DNAJB8: variants seen among roughly 807,000 people sequenced by gnomAD.
The protein encoded by DNAJB8 is dnaJ homolog subfamily B member 8.
For synonymous variants in DNAJB8, 127 were observed against 127.1 expected, an observed-to-expected ratio of 1.00 and a Z score of 0.00; for missense variants, 354 against 318.9, an observed-to-expected ratio of 1.11 and a Z score of -0.84.
Position 128,463,286 on chromosome 3 carries a change from A to T in DNAJB8, c.-41T>A. On this transcript the variant is annotated 5_prime_UTR_variant, in exon 3 of 3. Transcript: ENST00000319153. ...TGAGAGGAGAGGGAACGTGGAGGCC[A>T]GGTGGGCGCAGGGGCCCAGCTGGTC... is the stretch of plus-strand genomic sequence containing the variant. 6.4e-7 allele frequency: 1 copy of T among 1,555,690 alleles called. No homozygotes were observed. Among genetic ancestry groups the T allele is most frequent in the Non-Finnish European group, 8.7e-7 (1 of 1,144,570 alleles).
chr3:128,466,740 C>T lies in DNAJB8; in HGVS notation c.-1153G>A, dbSNP rs2068516626. The stretch of plus-strand genomic sequence containing the variant: ...GGAGAGTGGAAAAGAGAGGCCGTTG[C>T]AGGCAGGTGACAATGGTGAGCTTTG... On this transcript the variant is annotated 5_prime_UTR_variant, in exon 1 of 3. Transcript: ENST00000319153. 1 of 152,196 alleles carries T rather than the reference C, an allele frequency of 6.6e-6. No individual in the cohort carries two copies. Among genetic ancestry groups the T allele is most frequent in the Non-Finnish European group, 1.5e-5 (1 of 68,030 alleles). 9.4% of individuals were successfully genotyped at this position (152,196 alleles called of 1,614,324 possible).
Position 128,463,134 on chromosome 3 carries a change from T to G in DNAJB8, c.112A>C (p.Asn38His). Residue 38 changes from asparagine to histidine, a missense_variant, in exon 3 of 3, where the codon AAT (asparagine) becomes CAT (histidine). Asn to His is a moderately conservative substitution (Grantham distance 68). Transcript: ENST00000319153. The stretch of plus-strand genomic sequence containing the variant: ...AACTTCTTCTCCGCCTCCTCCTTAT[T>G]GTCAGGGTTCTTGTCGGGGTGCCAA... The part of the protein sequence containing the change: ...LRWHPDKNPD[N>H]KEEAEKKFKL... The G allele has an allele frequency of 6.2e-7, 1 of 1,614,136 alleles. No individual in the cohort carries two copies.
chr3:128,463,509 C>T lies in DNAJB8; in HGVS notation c.-264G>A. On this transcript the variant is annotated 5_prime_UTR_variant, in exon 3 of 3. Transcript: ENST00000319153. The stretch of plus-strand genomic sequence containing the variant: ...CGCTGTGGGGCCAGGCCAGAGTGGG[C>T]TGCCCTCCAGAGCTCCTTTTATGAC... The T allele has an allele frequency of 5.3e-6, 2 of 377,668 alleles. No individual in the cohort carries two copies. The highest frequency in any genetic ancestry group is 4.6e-5 in the East Asian group (1 of 21,716). The allele number at this position is 377,668 out of a possible 1,614,324, so 23.4% of individuals were successfully genotyped here.
chr3:128,464,113 G>A lies in DNAJB8; in HGVS notation c.-865-3C>T, dbSNP rs1048314508. 10 of 157,970 alleles carry A rather than the reference G, an allele frequency of 6.3e-5. No individual in the cohort carries two copies. Among genetic ancestry groups the A allele is most frequent in the African/African-American group, 1.9e-4 (8 of 41,432 alleles). 9.8% of individuals were successfully genotyped at this position (157,970 alleles called of 1,614,324 possible). ...CCAAAGAAGTGTTCCACTCAATTCT[G>A]GTAAGAAAAATAGGAATTGATGATA... On this transcript the variant is annotated splice_polypyrimidine_tract_variant and splice_region_variant and intron_variant, in intron 2 of 2. Transcript: ENST00000319153.
chr3:128,464,228 T>G (rs1479615065), intron 2 of DNAJB8, 118 bp from the exon 3 acceptor site: 1 of 151,980 alleles, frequency 6.6e-6, no homozygotes, highest in Non-Finnish European at 1.5e-5. Flanking sequence ...AATGTGAGCT[T>G]ATTTGGAAAA....
intron 1 of DNAJB8, 75 bp downstream of exon 1, chr3:128,466,539 G>C (rs2068514944): frequency 6.6e-6 from 1 of 152,632 alleles, no homozygotes; most frequent in African/African-American, 2.4e-5. Flanking sequence ...GCTGGTGTGA[G>C]TGCCGATGGC....
At position 128,463,211 on chromosome 3, in the gene DNAJB8, G is replaced by A; in HGVS notation, c.35C>T (p.Ala12Val). ...CTTGATGTCCTCCGGGGAAGCGCTG[G>A]CCTGCACGCCCAGCACTTCGTAGTA... ...ANYYEVLGVQ[A>V]SASPEDIKKA... is the part of the protein sequence containing the mutation. The change falls in exon 3 of 3, where the codon GCC (alanine) becomes GTC (valine). Residue 12 changes from alanine (A) to valine (V), a missense_variant. Coordinates refer to ENST00000319153, the MANE Select transcript of DNAJB8 (RefSeq NM_153330.6). The A allele has an allele frequency of 5.6e-6, 9 of 1,614,010 alleles. No homozygotes were observed. The highest frequency in any genetic ancestry group is 7.6e-6 in the Non-Finnish European group (9 of 1,179,934).
chr3:128,464,779 C>T (rs1040158008), intron 2 of DNAJB8, among the ~76,000 whole-genome samples: 39 of 111,390 alleles, frequency 3.5e-4, no homozygotes, highest in South Asian at 1.8e-3. Flanking sequence ...CTCCCTTCCT[C>T]CCTCCCTCCT....
At chr3:128,464,777 C>CT in intron 2 of DNAJB8, among the ~76,000 whole-genome samples, 5 of 149,680 alleles carry the variant, frequency 3.3e-5, no homozygotes, top group African/African-American at 9.8e-5. Flanking sequence ...TCCTCCCTTC[C>CT]TCCCTCCCTC....
rs1244666542 is a variant in DNAJB8 at position 128,463,368 on chromosome 3, G to A, written c.-123C>T. Reference sequence around the variant, plus strand: ...GGGGCCCTTCAGCAGGGGCCTGGCTGGACTCCGCAAGCTCTAGGCAAGATT... The same window carrying A: ...GGGGCCCTTCAGCAGGGGCCTGGCTAGACTCCGCAAGCTCTAGGCAAGATT... On this transcript the variant is annotated 5_prime_UTR_variant, in exon 3 of 3. Transcript: ENST00000319153. 2.5e-6 allele frequency: 2 copies of A among 809,638 alleles called. No individual in the cohort carries two copies. Among genetic ancestry groups the A allele is most frequent in the Admixed American group, 5.5e-5 (2 of 36,594 alleles). The allele number at this position is 809,638 out of a possible 1,614,324, so 50.2% of individuals were successfully genotyped here. A position where few individuals can be genotyped will look rare whatever the true frequency, so the allele number is the denominator to read the frequency against.
intron 1 of DNAJB8, chr3:128,466,298 A>G (rs1281162712): frequency 6.6e-6 from 1 of 152,316 alleles, no homozygotes; most frequent in Non-Finnish European, 1.5e-5. Flanking sequence ...AGAGGGAGTG[A>G]GCAGTTCTCC....
At position 128,463,354 on chromosome 3, in the gene DNAJB8, G is replaced by A. The variant is rs796146589; in HGVS notation, c.-109C>T. On this transcript the variant is annotated 5_prime_UTR_variant, in exon 3 of 3. Coordinates refer to ENST00000319153, the MANE Select transcript of DNAJB8 (RefSeq NM_153330.6). ...GTGGCCGGTGGTCTGGGGCCCTTCA[G>A]CAGGGGCCTGGCTGGACTCCGCAAG... 10 of 974,836 alleles carry A rather than the reference G, an allele frequency of 1.0e-5. No homozygotes were observed. The African/African-American group carries it at 1.5e-4, about 14-fold the overall frequency. The allele number at this position is 974,836 out of a possible 1,614,324, so 60.4% of individuals were successfully genotyped here.
At chr3:128,465,216 G>A (rs888627059) in intron 2 of DNAJB8, 60 bp downstream of exon 2, 1 of 152,346 alleles carries the variant, frequency 6.6e-6, no homozygotes, top group African/African-American at 2.4e-5. Flanking sequence ...GACCATCGCT[G>A]TCCCTCCATG....
intron 2 of DNAJB8, among the ~76,000 whole-genome samples, chr3:128,464,355 C>A (rs1322933182): frequency 6.6e-6 from 1 of 152,230 alleles, no homozygotes. Context: ...ACTGACGCAG[C>A]TGGAAGCTGG....
In DNAJB8 at chr3:128,462,586, C is replaced by G; in HGVS notation, c.660G>C (p.Val220=). The change falls in exon 3 of 3, where the codon GTG becomes GTC. Residue 220 remains valine (V), a synonymous_variant. Transcript: ENST00000319153. ...EEDGQLKSVT[V]NGKEQLKWMD... ...TCCATTTGAGCTGCTCCTTGCCGTTCACAGTCACCGACTTGAGCTGCCCGT... is the reference window on the plus strand; with the variant it reads ...TCCATTTGAGCTGCTCCTTGCCGTTGACAGTCACCGACTTGAGCTGCCCGT... 6.2e-7 allele frequency: 1 copy of G among 1,612,706 alleles called. No homozygotes were observed. Among genetic ancestry groups the G allele is most frequent in the Non-Finnish European group, 8.5e-7 (1 of 1,178,942 alleles).
At position 128,462,933 on chromosome 3, in the gene DNAJB8, C is replaced by T. The variant is rs201620402; in HGVS notation, c.313G>A (p.Gly105Ser). The T allele has an allele frequency of 9.9e-6, 16 of 1,613,924 alleles. No individual in the cohort carries two copies. The highest frequency in any genetic ancestry group is 1.6e-4 in the Middle Eastern group (1 of 6,084). The part of the protein sequence containing the change: ...NPEDIFREFF[G>S]GLDPFSFEFW... Reference sequence around the variant, plus strand: ...TCAAAGGAGAAAGGGTCCAGGCCACCAAAAAACTCCCGGAAGATGTCCTCA... The same window carrying T: ...TCAAAGGAGAAAGGGTCCAGGCCACTAAAAAACTCCCGGAAGATGTCCTCA... Residue 105 changes from glycine (G) to serine (S), a missense_variant, in exon 3 of 3, where the codon GGT (glycine) becomes AGT (serine). By Grantham distance (56) the Gly-to-Ser change is moderately conservative. Coordinates refer to ENST00000319153, the MANE Select transcript of DNAJB8 (RefSeq NM_153330.6).
At chr3:128,464,419 C>T (rs2068496126) in intron 2 of DNAJB8, among the ~76,000 whole-genome samples, 1 of 152,194 alleles carries the variant, frequency 6.6e-6, no homozygotes, top group African/African-American at 2.4e-5. Context: ...CCCACTAACA[C>T]CTCGATTTCA....
Position 128,463,370 on chromosome 3 carries a change from A to ACT in DNAJB8, c.-127_-126dup. ...GGCCCTTCAGCAGGGGCCTGGCTGG[A>ACT]CTCCGCAAGCTCTAGGCAAGATTCT... On this transcript the variant is annotated 5_prime_UTR_variant, in exon 3 of 3. Transcript: ENST00000319153. 1 of 792,840 alleles carries ACT rather than the reference A, an allele frequency of 1.3e-6. No individual in the cohort carries two copies. Among genetic ancestry groups the ACT allele is most frequent in the South Asian group, 1.8e-5 (1 of 55,370 alleles). The allele number at this position is 792,840 out of a possible 1,614,324, so 49.1% of individuals were successfully genotyped here.
rs757298895 is a variant in DNAJB8 at position 128,462,735 on chromosome 3, C to A, written c.511G>T (p.Gly171Cys). The change falls in exon 3 of 3, where the codon GGC becomes TGC. Residue 171 changes from glycine (G) to cysteine (C), a missense_variant. Coordinates refer to ENST00000319153, the MANE Select transcript of DNAJB8 (RefSeq NM_153330.6). The part of the protein sequence containing the change: ...HTTFSSTSFG[G>C]SSSGSSGFKS... ...AACCCCGAGCTGCCAGAACTGGAGC[C>A]CCCGAAGGAGGTGGATGAGAAGGTG... The A allele has an allele frequency of 5.0e-6, 8 of 1,614,088 alleles. No individual in the cohort carries two copies. The South Asian group carries it at 8.8e-5, about 18-fold the overall frequency.
Sources: gnomAD v4.1 joint callset for allele counts (sites outside exome capture counted in the v4.1 genomes callset) on GRCh38, gnomAD v4.1.1 for gene constraint, MANE v1.5 for transcripts, NCBI Gene and HGNC (gene_info 2026-07-23, HGNC 2026-07-21) for gene names.